The following ZNF536 variants were observed in gnomAD, a reference collection of about 807,000 sequenced individuals.
ZNF536 encodes the protein zinc finger protein 536.
A neutral mutation model predicts 84.5 loss-of-function variants in ZNF536; 13 were observed. The ratio of observed to expected loss-of-function variants is 0.15; its 90% CI spans 0.10 to 0.24. The LOEUF (loss-of-function observed/expected upper bound fraction) is 0.24. Ranked by LOEUF, ZNF536 falls within the 10% of genes least tolerant of loss-of-function variation. The pLI is 1.00. For missense variants in ZNF536, 1,536 were observed against 1,747.5 expected, an observed-to-expected ratio of 0.88 and a Z score of 2.16; for synonymous variants, 811 against 742.5, an observed-to-expected ratio of 1.09 and a Z score of -1.50.
intron 1 of ZNF536, among the ~76,000 whole-genome samples, chr19:30,618,132 A>G (rs1201156913): frequency 6.6e-6 from 1 of 151,920 alleles, no homozygotes; most frequent in African/African-American, 2.4e-5. Flanking sequence ...TTAATTTCTT[A>G]CTTTTTGTAT....
At chr19:30,584,425 C>T (rs1312270089) in intron 1 of ZNF536, among the ~76,000 whole-genome samples, 1 of 152,174 alleles carries the variant, frequency 6.6e-6, no homozygotes, top group Admixed American at 6.5e-5. Context: ...AAGTGTGGCT[C>T]CCCCGATGGC....
At chr19:30,460,467 G>T (rs1403267548) in intron 2 of ZNF536, among the ~76,000 whole-genome samples, 2 of 152,148 alleles carry the variant, frequency 1.3e-5, no homozygotes, top group Admixed American at 1.3e-4. Flanking sequence ...TTTGGAGTCT[G>T]CACATGGTGA....
intron 1 of ZNF536, among the ~76,000 whole-genome samples, chr19:30,385,730 C>G (rs2049314468): frequency 6.6e-6 from 1 of 152,160 alleles, no homozygotes; most frequent in Admixed American, 6.5e-5. Flanking sequence ...CTACTTCTCC[C>G]CAACTTTTCA....
intron 1 of ZNF536, among the ~76,000 whole-genome samples, chr19:30,427,462 C>T (rs565304315): frequency 3.9e-5 from 6 of 152,228 alleles, no homozygotes; most frequent in Non-Finnish European, 5.9e-5. Flanking sequence ...ATGGAGTTAT[C>T]CCAAGGGTGC....
At chr19:30,672,357 G>A (rs901168942) in intron 1 of ZNF536, among the ~76,000 whole-genome samples, 2 of 152,166 alleles carry the variant, frequency 1.3e-5, no homozygotes, top group Non-Finnish European at 2.9e-5. Context: ...ACCCTTACAT[G>A]CAATATTTTA....
chr19:30,685,201 T>A (rs1315131506), intron 1 of ZNF536, among the ~76,000 whole-genome samples: 1 of 152,026 alleles, frequency 6.6e-6, no homozygotes, highest in Non-Finnish European at 1.5e-5. Flanking sequence ...GCCCTTGGGG[T>A]CTCTGGATTT....
chr19:30,396,043 C>T (rs1010196479), intron 1 of ZNF536, among the ~76,000 whole-genome samples: 2 of 152,140 alleles, frequency 1.3e-5, no homozygotes, highest in East Asian at 3.9e-4. Context: ...TGGGTTCTGA[C>T]AAATGTATCA....
At chr19:30,312,382 C>T (rs1225443281) in intron 2 of ZNF536, among the ~76,000 whole-genome samples, 1 of 152,154 alleles carries the variant, frequency 6.6e-6, no homozygotes, top group Non-Finnish European at 1.5e-5. Context: ...CCTGCCTCCT[C>T]CACTTCCTTC....
intron 2 of ZNF536, among the ~76,000 whole-genome samples, chr19:30,334,988 T>C (rs1426885796): frequency 6.6e-6 from 1 of 152,164 alleles, no homozygotes; most frequent in Admixed American, 6.5e-5. Context: ...CACTCTCTGC[T>C]CACCTCCTGC....
intron 1 of ZNF536, among the ~76,000 whole-genome samples, chr19:30,601,397 A>G (rs2047678193): frequency 6.6e-6 from 1 of 152,178 alleles, no homozygotes; most frequent in African/African-American, 2.4e-5. Context: ...CAGCAGATTC[A>G]TGGCAGGATT....
At chr19:30,441,389 C>T (rs1449665773) in intron 1 of ZNF536, among the ~76,000 whole-genome samples, 1 of 152,244 alleles carries the variant, frequency 6.6e-6, no homozygotes, top group Non-Finnish European at 1.5e-5. Flanking sequence ...GGGTGCCAGA[C>T]AGGGCCCTGG....
At chr19:30,642,388 G>A (rs2049299681) in intron 1 of ZNF536, among the ~76,000 whole-genome samples, 1 of 152,136 alleles carries the variant, frequency 6.6e-6, no homozygotes, top group South Asian at 2.1e-4. Flanking sequence ...TTCCCTGGGG[G>A]TTGACAGTCT....
intron 2 of ZNF536, among the ~76,000 whole-genome samples, chr19:30,482,965 C>G (rs1017156577): frequency 2.6e-5 from 4 of 152,172 alleles, no homozygotes; most frequent in Admixed American, 2.6e-4. Context: ...TTTGGGCAGA[C>G]AGGAGCCTGG....
Position 30,557,640 on chromosome 19 carries a change from T to C in ZNF536, c.*476T>C, listed in dbSNP as rs767797090. On this transcript the variant is annotated 3_prime_UTR_variant, in exon 5 of 5. Transcript: ENST00000355537. ...AACACTTTAGAAGAATACAGAAAAG[T>C]GCAGTAATTCTCTTTCTCCATAGTA... 6.5e-6 allele frequency: 1 copy of C among 153,060 alleles called. No individual in the cohort carries two copies. The highest frequency in any genetic ancestry group is 2.4e-5 in the African/African-American group (1 of 41,498). The allele number at this position is 153,060 out of a possible 1,614,324, so 9.5% of individuals were successfully genotyped here.
intron 2 of ZNF536, among the ~76,000 whole-genome samples, chr19:30,350,761 T>C (rs529161877): frequency 6.6e-6 from 1 of 152,346 alleles, no homozygotes; most frequent in Non-Finnish European, 1.5e-5. Context: ...GAAGCAATTT[T>C]GTTCTGTGCC....
chr19:30,710,560 A>G (rs1236327016), intron 1 of ZNF536, among the ~76,000 whole-genome samples: 2 of 152,198 alleles, frequency 1.3e-5, no homozygotes, highest in Non-Finnish European at 2.9e-5. Context: ...CAACAAAAAT[A>G]TTCAGGGATG....
At chr19:30,472,872 C>T (rs2053693681) in intron 2 of ZNF536, among the ~76,000 whole-genome samples, 1 of 151,866 alleles carries the variant, frequency 6.6e-6, no homozygotes, top group South Asian at 2.1e-4. Context: ...CTGATTCTGC[C>T]CCCTTTCTCA....
chr19:30,455,067 C>CAAAA (rs1267944009), intron 2 of ZNF536, among the ~76,000 whole-genome samples: 1 of 150,734 alleles, frequency 6.6e-6, no homozygotes, highest in East Asian at 1.9e-4. Flanking sequence ...AACAAACAAA[C>CAAAA]AAAGTTTCTA....
Position 30,557,879 on chromosome 19 carries a change from T to G in ZNF536, c.*715T>G, listed in dbSNP as rs2046019708. On this transcript the variant is annotated 3_prime_UTR_variant, in exon 5 of 5. Coordinates refer to ENST00000355537, the MANE Select transcript of ZNF536 (RefSeq NM_014717.3). ...AGATATATTAAGGTGTTCCTGGTAA[T>G]GAAGGCATGTAAGTTATAATAATTG... is the stretch of plus-strand genomic sequence containing the variant. 6.6e-6 allele frequency: 1 copy of G among 152,636 alleles called. No homozygotes were observed. The highest frequency in any genetic ancestry group is 1.5e-5 in the Non-Finnish European group (1 of 68,038). 9.5% of individuals were successfully genotyped at this position (152,636 alleles called of 1,614,324 possible).
Sources: gnomAD v4.1 joint callset for allele counts (sites outside exome capture counted in the v4.1 genomes callset) on GRCh38, gnomAD v4.1.1 for gene constraint, MANE v1.5 for transcripts, NCBI Gene and HGNC (gene_info 2026-07-23, HGNC 2026-07-21) for gene names.